Variants in SMC1B observed in about 807,000 individuals in gnomAD.
The protein encoded by SMC1B is structural maintenance of chromosomes 1B, also known as structural maintenance of chromosomes protein 1B.
Under a neutral mutation model 157.9 loss-of-function variants are expected in SMC1B, and 60 were observed. The ratio of observed to expected loss-of-function variants is 0.38; its 90% CI spans 0.31 to 0.47. SMC1B has a LOEUF of 0.47. Among genes scored for constraint, SMC1B ranks in the 20% least tolerant of loss-of-function variants. The pLI, the probability that SMC1B is intolerant of heterozygous loss-of-function variation, is 0.99. For synonymous variants in SMC1B, 445 were observed against 483.0 expected, an observed-to-expected ratio of 0.92 and a Z score of 1.03; for missense variants, 1,165 against 1,426.2, an observed-to-expected ratio of 0.82 and a Z score of 2.95.
intron 2 of SMC1B, 32 bp from the exon 3 acceptor site, chr22:45,406,897 T>C: frequency 1.4e-6 from 2 of 1,452,966 alleles, no homozygotes; most frequent in Middle Eastern, 1.9e-4. Flanking sequence ...TGTTAAAAAA[T>C]ATATAAATAC....
At chr22:45,363,089 T>C in intron 15 of SMC1B, 63 bp from the exon 16 acceptor site, 1 of 1,193,482 alleles carries the variant, frequency 8.4e-7, no homozygotes, top group Non-Finnish European at 1.2e-6. Flanking sequence ...TCTTTTTTCT[T>C]ATGGGAAATT....
chr22:45,412,785 T>G (rs2087359472), intron 1 of SMC1B, among the ~76,000 whole-genome samples: 1 of 152,116 alleles, frequency 6.6e-6, no homozygotes, highest in South Asian at 2.1e-4. Flanking sequence ...CCAAAGACGG[T>G]GTCGCCAGGA....
chr22:45,404,944 A>G (rs1377699353), intron 4 of SMC1B, among the ~76,000 whole-genome samples: 1 of 152,228 alleles, frequency 6.6e-6, no homozygotes, highest in South Asian at 2.1e-4. Flanking sequence ...AATAAACAAG[A>G]TAATTTTATA....
At chr22:45,367,859 G>A (rs551056526) in intron 15 of SMC1B, among the ~76,000 whole-genome samples, 22 of 152,290 alleles carry the variant, frequency 1.4e-4, no homozygotes, top group African/African-American at 4.8e-4. Flanking sequence ...GTGGCTTCAG[G>A]AACTGTCTCA....
intron 14 of SMC1B, among the ~76,000 whole-genome samples, chr22:45,370,449 G>C (rs1470675274): frequency 6.6e-6 from 1 of 152,086 alleles, no homozygotes; most frequent in African/African-American, 2.4e-5. Context: ...AGTGGAATGG[G>C]GCATAGAATT....
At chr22:45,398,907 T>C (rs1378098117) in intron 6 of SMC1B, among the ~76,000 whole-genome samples, 188 bp downstream of exon 6, 1 of 152,172 alleles carries the variant, frequency 6.6e-6, no homozygotes, top group Non-Finnish European at 1.5e-5. Context: ...AGACCCTCTC[T>C]CTACAAAATT....
In SMC1B at chr22:45,382,449, A is replaced by G. The variant is rs141809544; in HGVS notation, c.2058+1018T>C. Among the ~76,000 whole-genome samples the G allele has an allele frequency of 4.3e-3, 656 of 152,322 alleles. 3 individuals carry two copies. Among genetic ancestry groups the G allele is most frequent in the Non-Finnish European group, 6.7e-3 (453 of 68,026 alleles). ...ATGACAGAAAGTAGATTGGGTTGTG[A>G]GGCCCCAAGGGGTCCAGAAGAGGGG... On this transcript the variant is annotated intron_variant, in intron 12 of 24. Transcript: ENST00000357450.
At chr22:45,382,805 C>T (rs1309382309) in intron 12 of SMC1B, among the ~76,000 whole-genome samples, 1 of 152,102 alleles carries the variant, frequency 6.6e-6, no homozygotes, top group Non-Finnish European at 1.5e-5. Flanking sequence ...CCATTAAATT[C>T]ATGAGGAAAT....
intron 12 of SMC1B, among the ~76,000 whole-genome samples, chr22:45,377,586 C>T (rs2086895374): frequency 6.7e-6 from 1 of 150,036 alleles, no homozygotes; most frequent in African/African-American, 2.5e-5. Context: ...TGCAGTGAGC[C>T]AAGATCACCC....
At chr22:45,396,762 C>T (rs1250100124) in intron 6 of SMC1B, among the ~76,000 whole-genome samples, 5 of 151,856 alleles carry the variant, frequency 3.3e-5, no homozygotes, top group South Asian at 2.1e-4. Flanking sequence ...GGCACAATCA[C>T]GGCTCACTGC....
chr22:45,351,906 T>A (rs1030696982), intron 22 of SMC1B, among the ~76,000 whole-genome samples: 1 of 152,246 alleles, frequency 6.6e-6, no homozygotes, highest in Non-Finnish European at 1.5e-5. Flanking sequence ...GGAGATTAAA[T>A]ACTTTTATAG....
intron 23 of SMC1B, among the ~76,000 whole-genome samples, chr22:45,346,048 CA>C (rs1260770494): frequency 4.0e-5 from 6 of 151,748 alleles, no homozygotes; most frequent in South Asian, 2.1e-4. Flanking sequence ...ACTAAAATTA[CA>C]AAAAAATTAG....
intron 21 of SMC1B, among the ~76,000 whole-genome samples, chr22:45,353,559 C>G (rs1362897922): frequency 6.6e-6 from 1 of 151,924 alleles, no homozygotes; most frequent in African/African-American, 2.4e-5. Flanking sequence ...AGTTATTTTC[C>G]TCTCTTTTGT....
At chr22:45,347,602 T>G (rs924375454) in intron 23 of SMC1B, among the ~76,000 whole-genome samples, 1 of 152,072 alleles carries the variant, frequency 6.6e-6, no homozygotes, top group Non-Finnish European at 1.5e-5. Context: ...GAATGCCAAT[T>G]TATTTCTTTT....
Position 45,393,813 on chromosome 22 carries a change from C to G in SMC1B, c.1366G>C (p.Glu456Gln), listed in dbSNP as rs776260961. The G allele has an allele frequency of 1.9e-6, 3 of 1,611,516 alleles. No individual in the cohort carries two copies. The South Asian group carries it at 3.3e-5, about 18-fold the overall frequency. Reference sequence around the variant, plus strand: ...TCAATTTCATCCACTAGGGTTTCCTCTTGCTGTTTTTTCTCTTTCAAGCAA... The same window carrying G: ...TCAATTTCATCCACTAGGGTTTCCTGTTGCTGTTTTTTCTCTTTCAAGCAA... ...MDCLKEKKQQEETLVDEIEKT... is the reference protein window; with the variant it reads ...MDCLKEKKQQQETLVDEIEKT... Residue 456 changes from glutamate (E) to glutamine (Q), a missense_variant, in exon 9 of 25, where the codon GAG (glutamate) becomes CAG (glutamine). By Grantham distance (29) the Glu-to-Gln change is conservative. Transcript: ENST00000357450.
At chr22:45,359,096 AAT>A in intron 18 of SMC1B, among the ~76,000 whole-genome samples, 1 of 152,360 alleles carries the variant, frequency 6.6e-6, no homozygotes, top group East Asian at 1.9e-4. Flanking sequence ...AAACCCCTGC[AAT>A]ATCTGTGAAG....
At chr22:45,388,044 G>A (rs6007011) in intron 10 of SMC1B, among the ~76,000 whole-genome samples, 75,387 of 148,896 alleles carry the variant, frequency 0.51, 22,428 homozygotes, top group African/African-American at 0.84. Context: ...AAAAAAAACA[G>A]CAAAAAAAAC....
chr22:45,370,111 T>A (rs776612189), intron 14 of SMC1B, 51 bp from the exon 15 acceptor site: 1 of 1,051,132 alleles, frequency 9.5e-7, no homozygotes, highest in Non-Finnish European at 1.4e-6. Flanking sequence ...TTAAGAAATA[T>A]ATAATCTTAA....
intron 22 of SMC1B, among the ~76,000 whole-genome samples, chr22:45,351,909 T>G (rs1220599374): frequency 6.6e-6 from 1 of 152,280 alleles, no homozygotes; most frequent in Non-Finnish European, 1.5e-5. Context: ...GATTAAATAC[T>G]TTTATAGAAG....
Sources: gnomAD v4.1 joint callset for allele counts (sites outside exome capture counted in the v4.1 genomes callset) on GRCh38, gnomAD v4.1.1 for gene constraint, MANE v1.5 for transcripts, NCBI Gene and HGNC (gene_info 2026-07-23, HGNC 2026-07-21) for gene names.